Variants in POLR2E observed in about 807,000 individuals in gnomAD.
The protein encoded by POLR2E is DNA-directed RNA polymerases I, II, and III subunit RPABC1.
In POLR2E, 35 loss-of-function variants were observed where a neutral mutation model predicts 29.8. That is an observed-to-expected ratio of 1.17 (90% CI 0.90 to 1.55). The LOEUF is 1.55. Among genes scored for constraint, POLR2E ranks in the 40% most tolerant of loss-of-function variants. POLR2E has a pLI of 0.00. For synonymous variants in POLR2E, 174 were observed against 112.6 expected, an observed-to-expected ratio of 1.55 and a Z score of -3.45; for missense variants, 287 against 288.6, an observed-to-expected ratio of 0.99 and a Z score of 0.04.
Position 1,088,483 on chromosome 19 carries a change from G to T in POLR2E, c.*252C>A, listed in dbSNP as rs181017759. The T allele has an allele frequency of 6.6e-6, 1 of 152,272 alleles. No individual in the cohort carries two copies. Among genetic ancestry groups the T allele is most frequent in the Non-Finnish European group, 1.5e-5 (1 of 68,090 alleles). 9.4% of individuals were successfully genotyped at this position (152,272 alleles called of 1,614,324 possible). ...GACCCGGCACCAGCTGCCCCCAGGT[G>T]ACCTCCCTCTGGGGGCCTTGTTCCT... On this transcript the variant is annotated 3_prime_UTR_variant, in exon 8 of 8. Transcript: ENST00000615234.
intron 2 of POLR2E, chr19:1,092,186 G>A (rs534215280): frequency 2.5e-6 from 1 of 403,576 alleles, no homozygotes; most frequent in South Asian, 2.4e-5. Flanking sequence ...GACTCTGAGA[G>A]GCTCCCACCC....
chr19:1,089,618 C>A, intron 6 of POLR2E, 67 bp from the exon 7 acceptor site: 1 of 1,356,040 alleles, frequency 7.4e-7, no homozygotes, highest in Non-Finnish European at 1.1e-6. Context: ...AGACAGCAGG[C>A]GGGCAGCACA....
At position 1,095,327 on chromosome 19, in the gene POLR2E, C is replaced by G. The variant is rs1308289385; in HGVS notation, c.-12G>C. 1 of 1,612,002 alleles carries G rather than the reference C, an allele frequency of 6.2e-7. No individual in the cohort carries two copies. The highest frequency in any genetic ancestry group is 8.5e-7 in the Non-Finnish European group (1 of 1,179,456). On this transcript the variant is annotated 5_prime_UTR_variant, in exon 1 of 8. Coordinates refer to ENST00000615234, the MANE Select transcript of POLR2E (RefSeq NM_002695.5). ...TCCTCGTCGTCCATGGCAGCCTCCG[C>G]CGCCGCCGCCGCTCGCACCCCTTCT...
intron 2 of POLR2E, among the ~76,000 whole-genome samples, chr19:1,092,518 G>A (rs1466831552): frequency 2.0e-5 from 3 of 151,416 alleles, no homozygotes; most frequent in African/African-American, 4.9e-5. Flanking sequence ...TGGCTAACAA[G>A]GTGAAATCCC....
intron 3 of POLR2E, among the ~76,000 whole-genome samples, chr19:1,091,219 G>A (rs1022755773): frequency 6.6e-6 from 1 of 152,236 alleles, no homozygotes; most frequent in African/African-American, 2.4e-5. Context: ...ACTCGGATGT[G>A]TTTCCATCCA....
intron 1 of POLR2E, 74 bp from the exon 2 acceptor site, chr19:1,094,152 G>C: frequency 7.1e-7 from 1 of 1,410,536 alleles, no homozygotes; most frequent in East Asian, 2.3e-5. Flanking sequence ...CCGGAAGTCA[G>C]ACCTGCGGCT....
At chr19:1,092,191 C>T in intron 2 of POLR2E, 1 of 383,010 alleles carries the variant, frequency 2.6e-6, no homozygotes, top group Non-Finnish European at 4.9e-6. Context: ...TGAGAGGCTC[C>T]CACCCTGGGC....
At position 1,091,523 on chromosome 19, in the gene POLR2E, G is replaced by T. The variant is rs955263919; in HGVS notation, c.348+269C>A. 12 of 503,900 alleles carry T rather than the reference G, an allele frequency of 2.4e-5. No individual in the cohort carries two copies. In the South Asian group the frequency reaches 2.6e-4, roughly 11 times the overall value. The allele number at this position is 503,900 out of a possible 1,614,324, so 31.2% of individuals were successfully genotyped here. ...GGAATCTGCACCAGGCCGAGGGCTG[G>T]AGCCCACAGGAGCTGGCGAGAGGCA... On this transcript the variant is annotated intron_variant, in intron 3 of 7. Transcript: ENST00000615234.
In POLR2E at chr19:1,090,985, G is replaced by A. The variant is rs1202009415; in HGVS notation, c.352C>T (p.Leu118=). 5 of 1,613,474 alleles carry A rather than the reference G, an allele frequency of 3.1e-6. No individual in the cohort carries two copies. The East Asian group carries it at 8.9e-5, about 29-fold the overall frequency. Residue 118 remains leucine (L), a synonymous_variant, in exon 4 of 8, where the codon CTG becomes TTG. Coordinates refer to ENST00000615234, the MANE Select transcript of POLR2E (RefSeq NM_002695.5). ...ATGTACTTGGGGGCCATGTCGACCA[G>A]GGACTGGAAGAGAGCGGCTCTAAGG... ...QGMTPSAKQS[L]VDMAPKYILE... is the part of the protein sequence containing the mutation.
At chr19:1,091,248 G>A (rs2043822336) in intron 3 of POLR2E, among the ~76,000 whole-genome samples, 1 of 152,210 alleles carries the variant, frequency 6.6e-6, no homozygotes, top group African/African-American at 2.4e-5. Context: ...TTCCAGGGGC[G>A]GCCCTCAGAG....
rs1198563019 is a variant in POLR2E, at chr19:1,088,169, G to GT, written c.*565dup. The GT allele has an allele frequency of 6.6e-6, 1 of 152,382 alleles. No homozygotes were observed. Among genetic ancestry groups the GT allele is most frequent in the African/African-American group, 2.4e-5 (1 of 41,428 alleles). The allele number at this position is 152,382 out of a possible 1,614,324, so 9.4% of individuals were successfully genotyped here. ...AACCTTGTTAGTCGGCCTGGTTTCT[G>GT]TATCAAGCAAATTTATTTGCTCAAA... On this transcript the variant is annotated 3_prime_UTR_variant, in exon 8 of 8. Coordinates refer to ENST00000615234, the MANE Select transcript of POLR2E (RefSeq NM_002695.5).
rs896836019 is a variant in POLR2E, at chr19:1,091,720, G to A, written c.348+72C>T. 3.4e-5 allele frequency: 36 copies of A among 1,044,876 alleles called. 1 individual carries two copies. The highest frequency in any genetic ancestry group is 7.6e-5 in the South Asian group (6 of 78,838). 64.7% of individuals were successfully genotyped at this position (1,044,876 alleles called of 1,614,324 possible). On this transcript the variant is annotated intron_variant, in intron 3 of 7. Coordinates refer to ENST00000615234, the MANE Select transcript of POLR2E (RefSeq NM_002695.5). ...GCCCAAAGCCCAAGGCACGTGGGCC[G>A]CCTGTGGGTACTGCTTGCGGGAGGA...
At chr19:1,091,076 C>A in intron 3 of POLR2E, 88 bp from the exon 4 acceptor site, 3 of 1,144,932 alleles carry the variant, frequency 2.6e-6, no homozygotes, top group East Asian at 2.4e-5. Context: ...GGGGCTTACT[C>A]GTGTGCCCCA....
intron 1 of POLR2E, chr19:1,095,018 A>T (rs1818794718): frequency 2.1e-6 from 1 of 471,462 alleles, no homozygotes. Flanking sequence ...CACCAGCCCA[A>T]GCCGCCCACC....
In POLR2E at chr19:1,087,081, C is replaced by G. The variant is rs2043704524; in HGVS notation, c.*1654G>C. 1 of 151,974 alleles carries G rather than the reference C, an allele frequency of 6.6e-6. No homozygotes were observed. The highest frequency in any genetic ancestry group is 6.6e-5 in the Admixed American group (1 of 15,218). The allele number at this position is 151,974 out of a possible 1,614,324, so 9.4% of individuals were successfully genotyped here. A position where few individuals can be genotyped will look rare whatever the true frequency, so the allele number is the denominator to read the frequency against. On this transcript the variant is annotated 3_prime_UTR_variant, in exon 8 of 8. Coordinates refer to ENST00000615234, the MANE Select transcript of POLR2E (RefSeq NM_002695.5). ...TCGTAGCTCACTGCAGCCTCGGCCTCCTGGGCTCAAATGATCCTCCCGCCT... is the reference window on the plus strand; with the variant it reads ...TCGTAGCTCACTGCAGCCTCGGCCTGCTGGGCTCAAATGATCCTCCCGCCT...
At chr19:1,091,459 C>T in intron 3 of POLR2E, 1 of 396,552 alleles carries the variant, frequency 2.5e-6, no homozygotes, top group African/African-American at 2.1e-5. Flanking sequence ...CTGCAAGTCC[C>T]CCTGGACATC....
intron 1 of POLR2E, 72 bp from the exon 2 acceptor site, chr19:1,094,150 C>G: frequency 1.4e-6 from 2 of 1,434,554 alleles, no homozygotes; most frequent in Non-Finnish European, 1.9e-6. Context: ...ACCCGGAAGT[C>G]AGACCTGCGG....
chr19:1,091,100 G>A (rs572946924), intron 3 of POLR2E, 112 bp from the exon 4 acceptor site: 16 of 844,922 alleles, frequency 1.9e-5, no homozygotes, highest in African/African-American at 1.7e-4. Context: ...ACACACCCAC[G>A]TCGTGAATCA....
At chr19:1,089,698 C>T (rs368230918) in intron 6 of POLR2E, 147 bp from the exon 7 acceptor site, 2 of 799,688 alleles carry the variant, frequency 2.5e-6, no homozygotes, top group African/African-American at 1.7e-5. Flanking sequence ...CCCTGGGAAC[C>T]TGGGTCACGC....
Sources: allele counts gnomAD v4.1 joint callset (sites outside exome capture counted in the v4.1 genomes callset), GRCh38; gene constraint gnomAD v4.1.1; transcripts MANE v1.5; gene names NCBI Gene and HGNC (gene_info 2026-07-23, HGNC 2026-07-21).